The following MALRD1 variants were observed in gnomAD, a reference collection of about 807,000 sequenced individuals.
MALRD1 encodes MAM and LDL receptor class A domain containing 1.
MALRD1 carries 247 observed loss-of-function variants against 242.1 expected under a neutral mutation model. The ratio of observed to expected loss-of-function variants is 1.02; its 90% confidence interval spans 0.92 to 1.13. MALRD1 has a LOEUF of 1.13. Ranked by LOEUF, MALRD1 falls within the 50% of genes most tolerant of loss-of-function variation. MALRD1 has a pLI of 0.00. For synonymous variants in MALRD1, 995 were observed against 866.6 expected, an observed-to-expected ratio of 1.15 and a Z score of -2.60; for missense variants, 2,989 against 2,533.1, an observed-to-expected ratio of 1.18 and a Z score of -3.86.
intron 36 of MALRD1, among the ~76,000 whole-genome samples, chr10:19,642,879 G>A (rs75949824): frequency 6.6e-6 from 1 of 152,122 alleles, no homozygotes; most frequent in Non-Finnish European, 1.5e-5. Context: ...AGGTTTCAGG[G>A]AGTAGATGCT....
At chr10:19,094,855 C>G (rs371040934) in intron 4 of MALRD1, among the ~76,000 whole-genome samples, 2 of 152,212 alleles carry the variant, frequency 1.3e-5, no homozygotes, top group East Asian at 1.9e-4. Flanking sequence ...TTTATGCAGC[C>G]TAATAAAACT....
chr10:19,368,475 A>G (rs191676663), intron 26 of MALRD1, among the ~76,000 whole-genome samples: 14 of 151,970 alleles, frequency 9.2e-5, no homozygotes, highest in African/African-American at 2.2e-4. Context: ...CCATTGGTCT[A>G]TGTTTCTGTT....
chr10:19,528,651 A>G (rs556010978), intron 31 of MALRD1, among the ~76,000 whole-genome samples: 1 of 152,286 alleles, frequency 6.6e-6, no homozygotes, highest in Non-Finnish European at 1.5e-5. Context: ...GGCAGCCTTT[A>G]TAAAGGGGTG....
chr10:19,506,716 A>G (rs1305958336), intron 31 of MALRD1, among the ~76,000 whole-genome samples: 3 of 152,184 alleles, frequency 2.0e-5, no homozygotes, highest in Non-Finnish European at 4.4e-5. Flanking sequence ...ATATGCCAGT[A>G]ATAAAAAAGA....
intron 32 of MALRD1, among the ~76,000 whole-genome samples, chr10:19,535,997 CA>C (rs1384628161): frequency 5.9e-5 from 9 of 152,162 alleles, no homozygotes; most frequent in Admixed American, 5.9e-4. Context: ...AATGCATTCT[CA>C]AAAGAGATTC....
At chr10:19,320,626 G>C (rs1842881229) in intron 21 of MALRD1, among the ~76,000 whole-genome samples, 1 of 152,076 alleles carries the variant, frequency 6.6e-6, no homozygotes. Flanking sequence ...TCTAGTTCTA[G>C]ATCCTTGAGG....
intron 21 of MALRD1, among the ~76,000 whole-genome samples, chr10:19,288,782 C>A (rs1841264735): frequency 2.0e-5 from 3 of 151,992 alleles, no homozygotes; most frequent in Admixed American, 1.3e-4. Context: ...AATCTTTATG[C>A]CCTTACAGCC....
intron 7 of MALRD1, among the ~76,000 whole-genome samples, chr10:19,126,852 C>T (rs559164372): frequency 6.6e-6 from 1 of 152,020 alleles, no homozygotes; most frequent in African/African-American, 2.4e-5. Flanking sequence ...CACCTGTCAA[C>T]CCATTACCTA....
chr10:19,718,816 T>C (rs1472732765), intron 38 of MALRD1, among the ~76,000 whole-genome samples: 4 of 152,064 alleles, frequency 2.6e-5, no homozygotes, highest in Non-Finnish European at 5.9e-5. Flanking sequence ...TCTTTCTCTC[T>C]AATTATTACC....
intron 24 of MALRD1, among the ~76,000 whole-genome samples, chr10:19,343,765 G>C (rs149572729): frequency 5.9e-4 from 90 of 152,172 alleles, no homozygotes; most frequent in Non-Finnish European, 1.1e-3. Flanking sequence ...CGATTGCATC[G>C]TGTCACACTA....
intron 1 of MALRD1, among the ~76,000 whole-genome samples, chr10:19,055,986 C>A (rs1834653992): frequency 6.6e-6 from 1 of 152,250 alleles, no homozygotes; most frequent in East Asian, 1.9e-4. Flanking sequence ...TACCCTTGAA[C>A]CTAAAATTAG....
chr10:19,244,590 A>G (rs762163098), intron 18 of MALRD1, among the ~76,000 whole-genome samples: 1 of 152,068 alleles, frequency 6.6e-6, no homozygotes, highest in Non-Finnish European at 1.5e-5. Context: ...ATCTAGTGAG[A>G]TTTGATTTCT....
chr10:19,234,437 A>G (rs1404734726), intron 18 of MALRD1, among the ~76,000 whole-genome samples: 9 of 152,084 alleles, frequency 5.9e-5, no homozygotes. Context: ...CATTTTCCTG[A>G]TAGATATGAA....
intron 2 of MALRD1, among the ~76,000 whole-genome samples, chr10:19,084,122 G>T (rs956026388): frequency 4.0e-5 from 6 of 151,764 alleles, no homozygotes; most frequent in Admixed American, 2.6e-4. Context: ...ACTATTTTAG[G>T]GTATTCTTTA....
intron 10 of MALRD1, 111 bp downstream of exon 10, chr10:19,136,892 G>A (rs986653398): frequency 1.5e-6 from 1 of 647,898 alleles, no homozygotes; most frequent in African/African-American, 1.9e-5. Flanking sequence ...TGTATGAAAT[G>A]TGATAAATAT....
intron 2 of MALRD1, among the ~76,000 whole-genome samples, chr10:19,084,290 C>G (rs1265786377): frequency 6.6e-6 from 1 of 151,918 alleles, no homozygotes; most frequent in Non-Finnish European, 1.5e-5. Context: ...ACTATTTGCT[C>G]TCTATTATCC....
chr10:19,688,864 T>G (rs894679269), intron 36 of MALRD1, among the ~76,000 whole-genome samples: 1 of 152,216 alleles, frequency 6.6e-6, no homozygotes, highest in African/African-American at 2.4e-5. Flanking sequence ...ACACTGGATA[T>G]TCCATGGAGA....
At chr10:19,600,991 C>T (rs905707007) in intron 34 of MALRD1, among the ~76,000 whole-genome samples, 2 of 152,062 alleles carry the variant, frequency 1.3e-5, no homozygotes, top group African/African-American at 2.4e-5. Context: ...CTCAAGCAAT[C>T]CCCCCACCTT....
Position 19,286,485 on chromosome 10 carries a change from G to C in MALRD1, c.3419+3304G>C, listed in dbSNP as rs965078557. ...TGAAGGTTGTTGAATTTTGTCAAAG[G>C]CTTTTTCTGCATCTATTGAGATAAT... On this transcript the variant is annotated intron_variant, in intron 21 of 39. Coordinates refer to ENST00000454679, the MANE Select transcript of MALRD1 (RefSeq NM_001142308.3). 1.3e-4 allele frequency among the ~76,000 whole-genome samples: 20 copies of C among 152,198 alleles called. No individual in the cohort carries two copies. The South Asian group carries it at 4.1e-3, about 32-fold the overall frequency.
Sources: allele counts gnomAD v4.1 joint callset (sites outside exome capture counted in the v4.1 genomes callset), GRCh38; gene constraint gnomAD v4.1.1; transcripts MANE v1.5; gene names NCBI Gene and HGNC (gene_info 2026-07-23, HGNC 2026-07-21).